The following GALNTL6 variants were observed in gnomAD, a reference collection of about 807,000 sequenced individuals.
GALNTL6 encodes the protein polypeptide N-acetylgalactosaminyltransferase like 6.
GALNTL6 carries 46 observed loss-of-function variants against 73.7 expected under a neutral mutation model. The observed-to-expected ratio is 0.62, with a 90% CI of 0.49 to 0.80. GALNTL6 has a LOEUF of 0.80. Among genes scored for constraint, GALNTL6 ranks in the 30% least tolerant of loss-of-function variants. The pLI is 0.00. For synonymous variants in GALNTL6, 259 were observed against 263.7 expected, an observed-to-expected ratio of 0.98 and a Z score of 0.17; for missense variants, 604 against 755.0, an observed-to-expected ratio of 0.80 and a Z score of 2.34.
intron 5 of GALNTL6, among the ~76,000 whole-genome samples, chr4:172,572,396 T>G (rs1243083245): frequency 6.6e-6 from 1 of 152,126 alleles, no homozygotes; most frequent in Non-Finnish European, 1.5e-5. Flanking sequence ...TTTTTAAAAA[T>G]AAGGAATTAG....
chr4:171,924,275 G>T (rs995449039), intron 2 of GALNTL6, among the ~76,000 whole-genome samples: 20 of 151,068 alleles, frequency 1.3e-4, no homozygotes, highest in Non-Finnish European at 2.5e-4. Context: ...AATAAATCAG[G>T]GAAGGAACAT....
chr4:172,863,958 C>A (rs907402397), intron 7 of GALNTL6, among the ~76,000 whole-genome samples: 1 of 152,236 alleles, frequency 6.6e-6, no homozygotes, highest in South Asian at 2.1e-4. Context: ...ATGCTGTTCT[C>A]ATGATAGTGA....
At chr4:172,932,657 A>C (rs1468501452) in intron 9 of GALNTL6, among the ~76,000 whole-genome samples, 1 of 152,186 alleles carries the variant, frequency 6.6e-6, no homozygotes, top group Non-Finnish European at 1.5e-5. Flanking sequence ...ACATAATGAG[A>C]TATCTTGGGG....
At position 172,813,740 on chromosome 4, in the gene GALNTL6, G is replaced by A. The variant is rs372513957; in HGVS notation, c.923+17G>A. On this transcript the variant is annotated intron_variant, in intron 7 of 12. Transcript: ENST00000506823. Reference sequence around the variant, plus strand: ...CCCTTTTGAGTGAGTAGCAGCCAAGGGAGGGGCCGAGGGGGTGAGGGCAGG... The same window carrying A: ...CCCTTTTGAGTGAGTAGCAGCCAAGAGAGGGGCCGAGGGGGTGAGGGCAGG... The A allele has an allele frequency of 2.6e-5, 41 of 1,582,106 alleles. No individual in the cohort carries two copies. Among genetic ancestry groups the A allele is most frequent in the Admixed American group, 2.2e-4 (13 of 59,372 alleles).
At chr4:172,645,002 A>C (rs1261061044) in intron 5 of GALNTL6, among the ~76,000 whole-genome samples, 1 of 151,966 alleles carries the variant, frequency 6.6e-6, no homozygotes, top group Non-Finnish European at 1.5e-5. Context: ...CTCTGTTGTA[A>C]TGTGTCTGTT....
intron 11 of GALNTL6, among the ~76,000 whole-genome samples, chr4:173,016,797 G>A (rs1450649664): frequency 6.6e-6 from 1 of 152,158 alleles, no homozygotes; most frequent in Non-Finnish European, 1.5e-5. Context: ...TTTGAAATGT[G>A]AGGACATGAG....
At chr4:171,835,584 T>C (rs530693700) in intron 2 of GALNTL6, among the ~76,000 whole-genome samples, 41 of 152,068 alleles carry the variant, frequency 2.7e-4, no homozygotes, top group Non-Finnish European at 5.7e-4. Flanking sequence ...GAGATCATTA[T>C]ATTGCTTTTT....
intron 2 of GALNTL6, among the ~76,000 whole-genome samples, chr4:172,031,214 C>T (rs1741758938): frequency 8.3e-6 from 1 of 120,058 alleles, no homozygotes; most frequent in African/African-American, 2.8e-5. Context: ...GGAGAGGATC[C>T]ACAGGTAGTT....
At chr4:172,321,377 T>A (rs1338049808) in intron 4 of GALNTL6, among the ~76,000 whole-genome samples, 2 of 152,122 alleles carry the variant, frequency 1.3e-5, no homozygotes, top group Non-Finnish European at 2.9e-5. Flanking sequence ...AAACATCCTG[T>A]TTCCAACAAA....
At chr4:172,411,464 T>G in intron 5 of GALNTL6, among the ~76,000 whole-genome samples, 1 of 152,122 alleles carries the variant, frequency 6.6e-6, no homozygotes, top group Non-Finnish European at 1.5e-5. Context: ...CATTTATTTG[T>G]CCTTGAGTAA....
intron 5 of GALNTL6, among the ~76,000 whole-genome samples, chr4:172,632,657 C>T (rs1739449038): frequency 6.6e-6 from 1 of 151,950 alleles, no homozygotes; most frequent in Non-Finnish European, 1.5e-5. Context: ...AAGCCAGCTG[C>T]AAAAATTTGC....
chr4:172,225,417 CTTT>C (rs35420591), intron 2 of GALNTL6, among the ~76,000 whole-genome samples: 1 of 144,746 alleles, frequency 6.9e-6, no homozygotes, highest in Non-Finnish European at 1.5e-5. Flanking sequence ...ATGAATTTGA[CTTT>C]TTTTTTTTTT....
At chr4:172,326,929 A>G (rs1740963912) in intron 4 of GALNTL6, among the ~76,000 whole-genome samples, 1 of 152,000 alleles carries the variant, frequency 6.6e-6, no homozygotes, top group African/African-American at 2.4e-5. Flanking sequence ...TATTTATAGT[A>G]TAAGTATTTA....
At chr4:172,019,781 A>G (rs1741338317) in intron 2 of GALNTL6, among the ~76,000 whole-genome samples, 1 of 152,072 alleles carries the variant, frequency 6.6e-6, no homozygotes, top group Non-Finnish European at 1.5e-5. Flanking sequence ...AATCAACAAC[A>G]ACAAAAATCG....
At chr4:172,963,722 G>C (rs944662504) in intron 10 of GALNTL6, among the ~76,000 whole-genome samples, 10 of 152,214 alleles carry the variant, frequency 6.6e-5, no homozygotes, top group African/African-American at 2.4e-4. Context: ...TCTTTGGAAA[G>C]CTCGGCCAGA....
chr4:172,190,773 A>G (rs1178353644), intron 2 of GALNTL6, among the ~76,000 whole-genome samples: 2 of 152,214 alleles, frequency 1.3e-5, no homozygotes, highest in Non-Finnish European at 1.5e-5. Context: ...TCAGATTTGC[A>G]TTTTGAAGCA....
chr4:172,913,690 G>C (rs953751215), intron 8 of GALNTL6, among the ~76,000 whole-genome samples: 1 of 151,812 alleles, frequency 6.6e-6, no homozygotes, highest in Non-Finnish European at 1.5e-5. Context: ...GAAGTTGAAA[G>C]AAAAAAGAGT....
At chr4:172,557,005 T>C (rs1257878273) in intron 5 of GALNTL6, among the ~76,000 whole-genome samples, 1 of 152,152 alleles carries the variant, frequency 6.6e-6, no homozygotes, top group African/African-American at 2.4e-5. Flanking sequence ...CCAGCATGCA[T>C]TTCCCAAACT....
chr4:172,298,060 G>C (rs1287191469), intron 3 of GALNTL6, among the ~76,000 whole-genome samples: 1 of 152,062 alleles, frequency 6.6e-6, no homozygotes, highest in Non-Finnish European at 1.5e-5. Context: ...CCTTGAAGAG[G>C]TCCTTCACAT....
Sources: gnomAD v4.1 joint callset for allele counts (sites outside exome capture counted in the v4.1 genomes callset) on GRCh38, gnomAD v4.1.1 for gene constraint, MANE v1.5 for transcripts, NCBI Gene and HGNC (gene_info 2026-07-23, HGNC 2026-07-21) for gene names.